EFCAB3: variants seen among roughly 807,000 people sequenced by gnomAD.
The protein encoded by EFCAB3 is EF-hand calcium binding domain 3.
A neutral mutation model predicts 42.2 loss-of-function variants in EFCAB3; 36 were observed. The observed-to-expected ratio is 0.85, with a 90% CI of 0.65 to 1.13. EFCAB3 has a LOEUF of 1.13. EFCAB3 is among the 50% of genes most tolerant of loss of function. The pLI is 0.00. For synonymous variants in EFCAB3, 170 were observed against 172.8 expected (o/e 0.98, Z 0.13); for missense variants, 418 against 505.1 (o/e 0.83, Z 1.65).
At chr17:62,397,396 G>C (rs564311747) in intron 6 of EFCAB3, 2 of 395,382 alleles carry the variant, frequency 5.1e-6, no homozygotes, top group Admixed American at 3.6e-5. Flanking sequence ...GTGCCAGCAG[G>C]ATGGGCAAGC....
rs1460078637 is a variant in EFCAB3, at chr17:62,391,806, A to C, written c.152-16A>C. ...CTTGAACAACTGTCCTGAATAACTTAATCCTATCTCCCCAGCTTTCCAAGA... is the reference window on the plus strand; with the variant it reads ...CTTGAACAACTGTCCTGAATAACTTCATCCTATCTCCCCAGCTTTCCAAGA... On this transcript the variant is annotated splice_polypyrimidine_tract_variant and intron_variant, in intron 3 of 9. Transcript: ENST00000305286. 1.2e-6 allele frequency: 2 copies of C among 1,612,452 alleles called. No homozygotes were observed. The highest frequency in any genetic ancestry group is 4.5e-5 in the East Asian group (2 of 44,796).
intron 8 of EFCAB3, among the ~76,000 whole-genome samples, chr17:62,407,551 G>T (rs2070459029): frequency 6.6e-6 from 1 of 152,068 alleles, no homozygotes; most frequent in Non-Finnish European, 1.5e-5. Flanking sequence ...GATTGTGGTT[G>T]GGCAAACACC....
At chr17:62,392,054 C>T in intron 4 of EFCAB3, 89 bp downstream of exon 4, 1 of 1,294,568 alleles carries the variant, frequency 7.7e-7, no homozygotes, top group South Asian at 2.3e-5. Flanking sequence ...ACATGAGAAA[C>T]AAATCTTATT....
At chr17:62,399,182 C>T (rs2070379864) in intron 6 of EFCAB3, among the ~76,000 whole-genome samples, 1 of 109,272 alleles carries the variant, frequency 9.2e-6, no homozygotes, top group Admixed American at 1.0e-4. Flanking sequence ...GAGTAAAAGC[C>T]AAAGTCTTTT....
chr17:62,405,625 T>C (rs1293080578), intron 6 of EFCAB3, among the ~76,000 whole-genome samples: 1 of 152,216 alleles, frequency 6.6e-6, no homozygotes, highest in Non-Finnish European at 1.5e-5. Flanking sequence ...AGTCCACTGT[T>C]CTGGCAGCAA....
At chr17:62,383,221 A>G in intron 2 of EFCAB3, 168 bp downstream of exon 2, 1 of 563,560 alleles carries the variant, frequency 1.8e-6, no homozygotes, top group Non-Finnish European at 3.0e-6. Context: ...CACACCTGTA[A>G]TCTCAGCACT....
intron 3 of EFCAB3, among the ~76,000 whole-genome samples, chr17:62,387,894 A>G (rs1221508716): frequency 1.3e-5 from 2 of 152,174 alleles, no homozygotes; most frequent in Non-Finnish European, 2.9e-5. Flanking sequence ...GAAGTCTAAT[A>G]GGGAAGACAG....
At chr17:62,393,425 C>T in intron 4 of EFCAB3, 148 bp from the exon 5 acceptor site, 3 of 613,426 alleles carry the variant, frequency 4.9e-6, no homozygotes, top group Non-Finnish European at 5.5e-6. Context: ...TCAAGAAGAC[C>T]AGGGCTCACC....
rs900808119 is a variant in EFCAB3, at chr17:62,391,960, T to G, written c.290T>G (p.Ile97Ser). ...DVYNELKCAD[I>S]DRDGKVNFSD... ...TATAATGAATTGAAATGTGCTGATA[T>G]TGATCGTGAGTCCTTTGGCTTCTCA... Residue 97 changes from isoleucine to serine, a missense_variant, in exon 4 of 10, where the codon ATT becomes AGT. By Grantham distance (142) the Ile-to-Ser change is moderately radical. Coordinates refer to ENST00000305286, the MANE Select transcript of EFCAB3 (RefSeq NM_173503.4). 8.7e-6 allele frequency: 14 copies of G among 1,600,876 alleles called. No individual in the cohort carries two copies. Among genetic ancestry groups the G allele is most frequent in the Non-Finnish European group, 1.2e-5 (14 of 1,171,958 alleles).
chr17:62,388,125 T>C (rs1378325473), intron 3 of EFCAB3, among the ~76,000 whole-genome samples: 1 of 151,964 alleles, frequency 6.6e-6, no homozygotes, highest in Non-Finnish European at 1.5e-5. Context: ...CAGGGAGAAT[T>C]GCTTGAACCC....
chr17:62,395,044 C>T, intron 5 of EFCAB3, 24 bp from the exon 6 acceptor site: 1 of 1,608,946 alleles, frequency 6.2e-7, no homozygotes. Context: ...ATTTAAAAAT[C>T]TATCTTTTGT....
upstream of EFCAB3, among the ~76,000 whole-genome samples, chr17:62,379,098 C>T (rs965254465): frequency 2.0e-5 from 3 of 152,050 alleles, no homozygotes; most frequent in African/African-American, 7.2e-5. Flanking sequence ...TGATAAGGAT[C>T]TAGTCTCCAA....
chr17:62,403,178 G>C (rs2070419054), intron 6 of EFCAB3, among the ~76,000 whole-genome samples: 1 of 152,054 alleles, frequency 6.6e-6, no homozygotes, highest in Non-Finnish European at 1.5e-5. Flanking sequence ...GCATGGTTTT[G>C]CCATCTCAGT....
chr17:62,377,850 C>A, upstream of EFCAB3: 1 of 779,988 alleles, frequency 1.3e-6, no homozygotes, highest in East Asian at 2.7e-5. Context: ...ATAACCTTGA[C>A]ATTTTCTTAA....
At chr17:62,392,668 T>A (rs1227503882) in intron 4 of EFCAB3, among the ~76,000 whole-genome samples, 1 of 152,086 alleles carries the variant, frequency 6.6e-6, no homozygotes, top group South Asian at 2.1e-4. Flanking sequence ...GACGGAGTCT[T>A]GCTCTGTTGC....
chr17:62,396,802 C>T (rs910677481), intron 6 of EFCAB3, among the ~76,000 whole-genome samples: 2 of 151,156 alleles, frequency 1.3e-5, no homozygotes, highest in Non-Finnish European at 2.9e-5. Flanking sequence ...TCATTTGAGC[C>T]GAGGAATTTG....
chr17:62,387,724 A>G (rs1240849096), intron 3 of EFCAB3, among the ~76,000 whole-genome samples: 2 of 152,212 alleles, frequency 1.3e-5, no homozygotes, highest in African/African-American at 4.8e-5. Flanking sequence ...AAAGAACACA[A>G]ACACAGCTAC....
At chr17:62,407,933 C>A (rs1356967653) in intron 8 of EFCAB3, among the ~76,000 whole-genome samples, 1 of 152,154 alleles carries the variant, frequency 6.6e-6, no homozygotes, top group East Asian at 1.9e-4. Flanking sequence ...AAGGCCCCTC[C>A]CCACATAGAG....
rs1345394312 is a variant in EFCAB3, at chr17:62,393,479, A to G, written c.296-94A>G. 10 of 964,330 alleles carry G rather than the reference A, an allele frequency of 1.0e-5. No individual in the cohort carries two copies. In the East Asian group the frequency reaches 2.6e-4, roughly 26 times the overall value. The allele number at this position is 964,330 out of a possible 1,614,324, so 59.7% of individuals were successfully genotyped here. ...TCAAATGCTCTGTTTTTAATATTGA[A>G]TCATCCAGAGTGTTTTAATTTTTAT... is the stretch of plus-strand genomic sequence containing the variant. On this transcript the variant is annotated intron_variant, in intron 4 of 9. Coordinates refer to ENST00000305286, the MANE Select transcript of EFCAB3 (RefSeq NM_173503.4).
Sources: allele counts gnomAD v4.1 joint callset (sites outside exome capture counted in the v4.1 genomes callset), GRCh38; gene constraint gnomAD v4.1.1; transcripts MANE v1.5; gene names NCBI Gene and HGNC (gene_info 2026-07-23, HGNC 2026-07-21).